NHS: variants seen among roughly 807,000 people sequenced by gnomAD.
NHS encodes the protein NHS actin remodeling regulator, also known as actin remodeling regulator NHS.
In NHS, 5 loss-of-function variants were observed where a neutral mutation model predicts 72.5. The ratio of observed to expected loss-of-function variants is 0.07; its 90% confidence interval spans 0.04 to 0.14. NHS has a LOEUF of 0.14. Ranked by LOEUF, NHS falls within the 10% of genes least tolerant of loss-of-function variation. The pLI, the probability that NHS is intolerant of heterozygous loss-of-function variation, is 1.00. For missense variants in NHS, 1,072 were observed against 1,355.7 expected (o/e 0.79, Z 3.29); for synonymous variants, 464 against 547.7 (o/e 0.85, Z 2.13).
chrX:17,432,640 G>T (rs1382517721), intron 1 of NHS, among the ~76,000 whole-genome samples: 1 of 112,003 alleles, frequency 8.9e-6, no homozygotes, highest in African/African-American at 3.2e-5. Flanking sequence ...TGGGTCAATT[G>T]TTTTGGTATT....
intron 1 of NHS, among the ~76,000 whole-genome samples, chrX:17,570,242 T>C (rs184030893): frequency 1.4e-4 from 16 of 112,273 alleles, no homozygotes; most frequent in African/African-American, 4.5e-4. Context: ...TAAAATTGAA[T>C]CTATAAATTA....
intron 1 of NHS, among the ~76,000 whole-genome samples, chrX:17,581,601 CAG>C (rs1195753551): frequency 8.9e-6 from 1 of 111,835 alleles, no homozygotes; most frequent in African/African-American, 3.3e-5. Flanking sequence ...ATAATTCCAA[CAG>C]AGTAAAATAA....
At chrX:17,452,491 GTTTTTT>G (rs112703898) in intron 1 of NHS, among the ~76,000 whole-genome samples, 1 of 98,518 alleles carries the variant, frequency 1.0e-5, no homozygotes. Flanking sequence ...ATCTTTCTGT[GTTTTTT>G]TTTTTTGTTT....
At chrX:17,488,083 G>T (rs922171540) in intron 1 of NHS, among the ~76,000 whole-genome samples, 1 of 111,164 alleles carries the variant, frequency 9.0e-6, no homozygotes, top group Admixed American at 9.6e-5. Flanking sequence ...CCACCTCGCC[G>T]CCTCGCTTCT....
At chrX:17,565,257 G>A (rs979346800) in intron 1 of NHS, among the ~76,000 whole-genome samples, 3 of 111,300 alleles carry the variant, frequency 2.7e-5, no homozygotes, top group African/African-American at 9.8e-5. Flanking sequence ...CCCTGCTAAC[G>A]GCCAGCACCA....
At chrX:17,549,443 A>G (rs2065317455) in intron 1 of NHS, among the ~76,000 whole-genome samples, 1 of 111,296 alleles carries the variant, frequency 9.0e-6, no homozygotes, top group Admixed American at 9.5e-5. Flanking sequence ...CATGAAAAAG[A>G]GACAAGCTGT....
chrX:17,417,779 A>C (rs2064603700), intron 1 of NHS, among the ~76,000 whole-genome samples: 1 of 112,485 alleles, frequency 8.9e-6, no homozygotes, highest in African/African-American at 3.2e-5. Context: ...TAGAAGTTAC[A>C]GTGTGGTCAA....
chrX:17,385,028 C>T (rs1236676950), intron 1 of NHS, among the ~76,000 whole-genome samples: 1 of 111,832 alleles, frequency 8.9e-6, no homozygotes, highest in Non-Finnish European at 1.9e-5. Context: ...GGAATGGTTC[C>T]TGAATGTAAG....
intron 1 of NHS, among the ~76,000 whole-genome samples, chrX:17,614,804 T>C (rs752619433): frequency 3.8e-4 from 42 of 110,799 alleles, no homozygotes; most frequent in Non-Finnish European, 6.8e-4. Context: ...TTAGGTAGGT[T>C]CATGGGCCTG....
At chrX:17,542,719 G>A (rs748574379) in intron 1 of NHS, among the ~76,000 whole-genome samples, 7 of 108,504 alleles carry the variant, frequency 6.5e-5, no homozygotes, top group African/African-American at 2.0e-4. Flanking sequence ...GAGAGAAATG[G>A]GTGAGAAACA....
chrX:17,722,440 T>TTATGACTGATTTTCATATTGGTAC (rs1264546479), intron 5 of NHS, among the ~76,000 whole-genome samples: 3 of 112,249 alleles, frequency 2.7e-5, no homozygotes, highest in African/African-American at 9.7e-5. Context: ...AACAGCCATG[T>TTATGACTGATTTTCATATTGGTAC]TATGACTGAT....
At chrX:17,400,789 G>A (rs1400684957) in intron 1 of NHS, among the ~76,000 whole-genome samples, 2 of 111,686 alleles carry the variant, frequency 1.8e-5, no homozygotes, top group Non-Finnish European at 3.8e-5. Context: ...AAGATTCAAC[G>A]TTTGCGAGAT....
intron 7 of NHS, 100 bp from the exon 8 acceptor site, chrX:17,728,549 C>T (rs866959666): frequency 9.4e-7 from 1 of 1,063,571 alleles, no homozygotes; most frequent in African/African-American, 2.0e-5. Flanking sequence ...AAGGTAATTT[C>T]TGTTTGTTTG....
At chrX:17,600,646 A>C (rs2065644924) in intron 1 of NHS, among the ~76,000 whole-genome samples, 1 of 111,418 alleles carries the variant, frequency 9.0e-6, no homozygotes, top group Non-Finnish European at 1.9e-5. Flanking sequence ...TATTTTTAGT[A>C]TTTTCCAGTA....
chrX:17,643,070 G>A (rs1326644345), intron 1 of NHS, among the ~76,000 whole-genome samples: 1 of 111,832 alleles, frequency 8.9e-6, no homozygotes, highest in Admixed American at 9.4e-5. Context: ...CATGTGCTCA[G>A]GAGGATTATG....
At position 17,723,726 on chromosome X, in the gene NHS, GGTGTGTGT is replaced by G. The variant is rs3222310; in HGVS notation, c.1109-535_1109-528del. The stretch of plus-strand genomic sequence containing the variant: ...TGTTGAGTTTCCTCACAGCAAAAGA[GGTGTGTGT>G]GTGTGTGTGTGTGTGTGTGTGTGTG... On this transcript the variant is annotated intron_variant, in intron 5 of 8. Transcript: ENST00000676302. 4.5e-3 allele frequency among the ~76,000 whole-genome samples: 320 copies of G among 71,074 alleles called. 2 individuals are homozygous for G. The highest frequency in any genetic ancestry group is 0.017 in the African/African-American group (283 of 17,043). 61.7% of individuals were successfully genotyped at this position (71,074 alleles called of 115,157 possible). A position where few individuals can be genotyped will look rare whatever the true frequency, so the allele number is the denominator to read the frequency against.
chrX:17,504,207 AT>A (rs1481993006), intron 1 of NHS, among the ~76,000 whole-genome samples: 2 of 112,199 alleles, frequency 1.8e-5, no homozygotes, highest in African/African-American at 3.2e-5. Flanking sequence ...TGGCTGACAC[AT>A]TTTTATAAGT....
rs781054104 is a variant in NHS at position 17,732,464 on chromosome X, G to A, written c.4956G>A (p.Ter1652=). 6 of 1,211,324 alleles carry A rather than the reference G, an allele frequency of 5.0e-6. No individual in the cohort carries two copies. In the African/African-American group the frequency reaches 7.0e-5, roughly 14 times the overall value. The change falls in exon 9 of 9, where the codon TAG becomes TAA. Residue 1652 remains the stop codon, a stop_retained_variant. Transcript: ENST00000676302. ...HDDRSSQSST[*] ...ACCGTTCCTCCCAGAGTTCAACATAGACTGCCTGTACCAGGCTGCCTGGCA... is the reference window on the plus strand; with the variant it reads ...ACCGTTCCTCCCAGAGTTCAACATAAACTGCCTGTACCAGGCTGCCTGGCA...
At chrX:17,529,358 A>G (rs1006036935) in intron 1 of NHS, among the ~76,000 whole-genome samples, 1 of 112,215 alleles carries the variant, frequency 8.9e-6, no homozygotes, top group Non-Finnish European at 1.9e-5. Flanking sequence ...GTGTATATGT[A>G]TATGAAATAC....
Sources: gnomAD v4.1 joint callset for allele counts (sites outside exome capture counted in the v4.1 genomes callset) on GRCh38, gnomAD v4.1.1 for gene constraint, MANE v1.5 for transcripts, NCBI Gene and HGNC (gene_info 2026-07-23, HGNC 2026-07-21) for gene names.